Variants in OSBPL5 observed in about 807,000 individuals in gnomAD.
The protein encoded by OSBPL5 is oxysterol-binding protein-related protein 5.
A neutral mutation model predicts 111.2 loss-of-function variants in OSBPL5; 71 were observed. The ratio of observed to expected loss-of-function variants is 0.64; its 90% CI spans 0.53 to 0.78. The LOEUF (loss-of-function observed/expected upper bound fraction) is 0.78, where lower values mean the gene tolerates loss of function less well. Ranked by LOEUF, OSBPL5 falls within the 30% of genes least tolerant of loss-of-function variation. The pLI, the probability that OSBPL5 is intolerant of heterozygous loss-of-function variation, is 0.00. For missense variants in OSBPL5, 1,210 were observed against 1,189.3 expected, an observed-to-expected ratio of 1.02 and a Z score of -0.26; for synonymous variants, 549 against 513.9, an observed-to-expected ratio of 1.07 and a Z score of -0.93.
chr11:3,131,805 T>TCATCCATC (rs374435732), intron 1 of OSBPL5, among the ~76,000 whole-genome samples: 3 of 91,738 alleles, frequency 3.3e-5, no homozygotes, highest in East Asian at 3.3e-4. Context: ...ACCCATTCAT[T>TCATCCATC]CATCCATCCA....
intron 3 of OSBPL5, among the ~76,000 whole-genome samples, chr11:3,123,273 C>G (rs1315558192): frequency 6.6e-6 from 1 of 152,208 alleles, no homozygotes; most frequent in Non-Finnish European, 1.5e-5. Context: ...CTGGGGACAG[C>G]AAGCTACGAC....
At chr11:3,124,236 C>A (rs1241018783) in intron 3 of OSBPL5, among the ~76,000 whole-genome samples, 1 of 152,138 alleles carries the variant, frequency 6.6e-6, no homozygotes, top group Non-Finnish European at 1.5e-5. Flanking sequence ...CAGTGTTGCT[C>A]CATTGTGGCA....
intron 1 of OSBPL5, among the ~76,000 whole-genome samples, chr11:3,131,838 TATCCATCCACCCACCAAAC>T (rs1845808714): frequency 1.9e-5 from 1 of 53,812 alleles, no homozygotes; most frequent in African/African-American, 1.1e-4. Context: ...CCCACTCATC[TATCCATCCACCCACCAAAC>T]CATCCATCCA....
intron 7 of OSBPL5, among the ~76,000 whole-genome samples, chr11:3,117,122 G>T (rs1858239797): frequency 6.6e-6 from 1 of 152,162 alleles, no homozygotes. Context: ...GTTTTCATTT[G>T]TAACAGGACA....
At chr11:3,103,749 T>TTTCCAGCCTGTGCCGCCCC in intron 10 of OSBPL5, among the ~76,000 whole-genome samples, 1 of 45,550 alleles carries the variant, frequency 2.2e-5, no homozygotes, top group South Asian at 1.1e-3. Flanking sequence ...TCTGCAACCC[T>TTTCCAGCCTGTGCCGCCCC]CTTCCAGCTC....
intron 1 of OSBPL5, among the ~76,000 whole-genome samples, chr11:3,132,841 G>A (rs1030266959): frequency 2.6e-5 from 4 of 152,244 alleles, no homozygotes; most frequent in African/African-American, 9.6e-5. Context: ...AGGGGTGGTG[G>A]GGTCTGATCA....
intron 10 of OSBPL5, among the ~76,000 whole-genome samples, chr11:3,103,829 TTCCA>T (rs1564830520): frequency 5.0e-4 from 28 of 55,576 alleles, no homozygotes; most frequent in African/African-American, 1.4e-3. Context: ...CGCAGCCCCC[TTCCA>T]GCCTCTGCAG....
chr11:3,093,391 CA>C, intron 17 of OSBPL5, 135 bp downstream of exon 17: 4 of 1,345,814 alleles, frequency 3.0e-6, no homozygotes, highest in Non-Finnish European at 4.0e-6. Flanking sequence ...GATCTGCCAC[CA>C]GGGGTGCACC....
intron 1 of OSBPL5, among the ~76,000 whole-genome samples, chr11:3,134,758 G>A (rs1845905339): frequency 6.6e-6 from 1 of 151,926 alleles, no homozygotes; most frequent in African/African-American, 2.4e-5. Context: ...CTGGGCTTCA[G>A]CTGCGTGAGT....
chr11:3,102,566 G>C (rs1454637785), intron 11 of OSBPL5, among the ~76,000 whole-genome samples: 1 of 152,206 alleles, frequency 6.6e-6, no homozygotes, highest in Non-Finnish European at 1.5e-5. Flanking sequence ...CTTGGACCTT[G>C]GGTGTAACCT....
chr11:3,097,129 G>A (rs1857298681), intron 14 of OSBPL5, among the ~76,000 whole-genome samples: 1 of 150,818 alleles, frequency 6.6e-6, no homozygotes, highest in African/African-American at 2.4e-5. Flanking sequence ...AGGAAAGAAG[G>A]GGAAGATGGG....
Position 3,103,301 on chromosome 11 carries a change from C to T in OSBPL5, c.1264G>A (p.Ala422Thr), listed in dbSNP as rs1857521015. ...LLSRAAVEED[A>T]YSRMKLVLRW... ...AGCACCAGCTTCATGCGGCTGTAGG[C>T]ATCCTCCTCCACCGCAGCCCTGCCA... The change falls in exon 11 of 22, where the codon GCC becomes ACC. Residue 422 changes from alanine to threonine, a missense_variant. Physicochemically the swap from Ala to Thr is moderately conservative, Grantham distance 58. Transcript: ENST00000263650. 6.2e-7 allele frequency: 1 copy of T among 1,607,310 alleles called. No homozygotes were observed.
chr11:3,129,992 G>A (rs373573218), intron 1 of OSBPL5, among the ~76,000 whole-genome samples: 49 of 152,326 alleles, frequency 3.2e-4, no homozygotes, highest in South Asian at 8.3e-4. Context: ...TTCCTCCCCT[G>A]GAAGGAGAGA....
rs1166388827 is a variant in OSBPL5 at position 3,107,899 on chromosome 11, G to A, written c.738C>T (p.Ser246=). Residue 246 remains serine (S), a synonymous_variant, in exon 8 of 22, where the codon AGC becomes AGT. Coordinates refer to ENST00000263650, the MANE Select transcript of OSBPL5 (RefSeq NM_020896.4). The surrounding 1 kb of genome is among the most constrained non-coding windows in gnomAD (Gnocchi z 6.1). Reference sequence around the variant, plus strand: ...GCTTGCAGGTGCCCAGTCTCAGTAGGCTAGAGCAGCGCAGGGCCAGCTCCA... The same window carrying A: ...GCTTGCAGGTGCCCAGTCTCAGTAGACTAGAGCAGCGCAGGGCCAGCTCCA... ...DALELALRCS[S]LLRLGTCKPG... is the part of the protein sequence containing the mutation. The A allele has an allele frequency of 1.2e-6, 2 of 1,603,850 alleles. No individual in the cohort carries two copies.
Position 3,122,007 on chromosome 11 carries a change from T to A in OSBPL5, c.392A>T (p.Asp131Val), listed in dbSNP as rs1169121412. ...CCGGGCATCACCTACCTTCAGGCTG[T>A]CAGCCATGATGACCACGCTGGGGTC... ...LTDPSVVIMADSLKIRGTLKS... is the reference protein window; with the variant it reads ...LTDPSVVIMAVSLKIRGTLKS... The change falls in exon 5 of 22, where the codon GAC becomes GTC. Residue 131 changes from aspartate to valine, a missense_variant. By Grantham distance (152) the Asp-to-Val change is radical (BLOSUM62 -3). Transcript: ENST00000263650. 1.9e-6 allele frequency: 3 copies of A among 1,569,092 alleles called. No individual in the cohort carries two copies. In the South Asian group the frequency reaches 3.5e-5, roughly 18 times the overall value.
At chr11:3,091,955 C>A (rs559063822) in intron 19 of OSBPL5, among the ~76,000 whole-genome samples, 1 of 152,276 alleles carries the variant, frequency 6.6e-6, no homozygotes, top group East Asian at 1.9e-4. Flanking sequence ...TTTGGCGCCA[C>A]CTGGTGGCCG....
intron 14 of OSBPL5, among the ~76,000 whole-genome samples, chr11:3,096,212 C>G (rs376099580): frequency 6.6e-6 from 1 of 152,190 alleles, no homozygotes; most frequent in Admixed American, 6.5e-5. Flanking sequence ...TGTGGGGGAT[C>G]AAGACACAGG....
At chr11:3,137,504 C>T (rs1451327367) in intron 1 of OSBPL5, among the ~76,000 whole-genome samples, 1 of 152,234 alleles carries the variant, frequency 6.6e-6, no homozygotes, top group Non-Finnish European at 1.5e-5. Context: ...GTCATCATCA[C>T]ATTTTAAAGA....
chr11:3,132,313 G>A (rs377367671), intron 1 of OSBPL5, among the ~76,000 whole-genome samples: 162 of 152,064 alleles, frequency 1.1e-3, no homozygotes, highest in African/African-American at 3.7e-3. Context: ...CCTCTGACCC[G>A]CTCAGACAGG....
Sources: gnomAD v4.1 joint callset for allele counts (sites outside exome capture counted in the v4.1 genomes callset) on GRCh38, gnomAD v4.1.1 for gene constraint, Gnocchi (gnomAD v3.1) non-coding constraint, MANE v1.5 for transcripts, NCBI Gene and HGNC (gene_info 2026-07-23, HGNC 2026-07-21) for gene names.